Variants in EFCAB14 observed in about 807,000 individuals in gnomAD.
The protein encoded by EFCAB14 is EF-hand calcium-binding domain-containing protein 14.
EFCAB14 carries 43 observed loss-of-function variants against 56.5 expected under a neutral mutation model. The observed-to-expected ratio is 0.76, with a 90% CI of 0.60 to 0.98. The LOEUF (loss-of-function observed/expected upper bound fraction) is 0.98. EFCAB14 is among the 50% of genes least tolerant of loss of function. The pLI is 0.00. For synonymous variants in EFCAB14, 235 were observed against 212.9 expected (o/e 1.10, Z -0.90); for missense variants, 538 against 580.3 (o/e 0.93, Z 0.75).
chr1:46,683,197 T>C (rs1676822833), intron 10 of EFCAB14, 103 bp downstream of exon 10: 2 of 1,342,966 alleles, frequency 1.5e-6, no homozygotes, highest in East Asian at 2.3e-5. Flanking sequence ...TGATATCTCC[T>C]CAATAAATGT....
In EFCAB14 at chr1:46,679,674, G is replaced by T. The variant is rs1676760824; in HGVS notation, c.1313-1038C>A. ...CACCCAGGCTGGAGTGCAGTGGTAT[G>T]ATCTTGGCTCACTGCAACCTCTGCC... On this transcript the variant is annotated intron_variant, in intron 10 of 10. Transcript: ENST00000371933. Among the ~76,000 whole-genome samples the T allele has an allele frequency of 2.9e-5, 4 of 140,270 alleles. No homozygotes were observed. The South Asian group carries it at 9.2e-4, about 32-fold the overall frequency. 92.0% of individuals were successfully genotyped at this position (140,270 alleles called of 152,430 possible).
intron 2 of EFCAB14, among the ~76,000 whole-genome samples, chr1:46,713,839 A>C (rs542125421): frequency 1.3e-3 from 202 of 152,294 alleles, no homozygotes; most frequent in Non-Finnish European, 1.0e-3. Context: ...TGTTTCTGAG[A>C]ACCTAATTTC....
At chr1:46,705,474 C>T (rs76880049) in intron 3 of EFCAB14, among the ~76,000 whole-genome samples, 6,313 of 152,268 alleles carry the variant, frequency 0.041, 420 homozygotes, top group African/African-American at 0.14. Context: ...CTGGCTGGGG[C>T]CACTGTCTGT....
rs1331377012 is a variant in EFCAB14 at position 46,688,520 on chromosome 1, A to T, written c.820T>A (p.Leu274Ile). The T allele has an allele frequency of 6.2e-7, 1 of 1,613,304 alleles. No homozygotes were observed. Among genetic ancestry groups the T allele is most frequent in the African/African-American group, 1.3e-5 (1 of 74,838 alleles). Residue 274 changes from leucine to isoleucine, a missense_variant, in exon 7 of 11, where the codon TTA becomes ATA. Coordinates refer to ENST00000371933, the MANE Select transcript of EFCAB14 (RefSeq NM_014774.3). ...ACTAGGGCACTGTTTACCTCCTCTA[A>T]AGAGTTGTGAAGGTACAGGATATCC... is the stretch of plus-strand genomic sequence containing the variant. ...KQDILYLHNSLEEVNSALVGY... is the reference protein window; with the variant it reads ...KQDILYLHNSIEEVNSALVGY...
chr1:46,697,491 A>C (rs929824327), intron 3 of EFCAB14, among the ~76,000 whole-genome samples: 13 of 152,192 alleles, frequency 8.5e-5, no homozygotes. Flanking sequence ...CTTAGTTCTA[A>C]ACCGCTTTCC....
rs1444530712 is a variant in EFCAB14, at chr1:46,691,809, C to T, written c.690+18G>A. On this transcript the variant is annotated intron_variant, in intron 5 of 10. Coordinates refer to ENST00000371933, the MANE Select transcript of EFCAB14 (RefSeq NM_014774.3). ...AAAAGGGTGAGCAGGAGCATGCTGA[C>T]TTGCTGGGTCTCCTTACCATATCAC... 1 of 1,595,514 alleles carries T rather than the reference C, an allele frequency of 6.3e-7. No homozygotes were observed. The highest frequency in any genetic ancestry group is 8.6e-7 in the Non-Finnish European group (1 of 1,166,344).
chr1:46,678,305 A>G lies in EFCAB14; in HGVS notation c.*156T>C. On this transcript the variant is annotated 3_prime_UTR_variant, in exon 11 of 11. Transcript: ENST00000371933. ...TAAAATGGTCTTCTTCTTTAAAAAAATAACTTTTATATAGCTTCTTCAAAC... is the reference window on the plus strand; with the variant it reads ...TAAAATGGTCTTCTTCTTTAAAAAAGTAACTTTTATATAGCTTCTTCAAAC... 1 of 570,862 alleles carries G rather than the reference A, an allele frequency of 1.8e-6. No homozygotes were observed. Among genetic ancestry groups the G allele is most frequent in the African/African-American group, 1.9e-5 (1 of 51,478 alleles). The allele number at this position is 570,862 out of a possible 1,614,324, so 35.4% of individuals were successfully genotyped here.
At chr1:46,710,864 C>T (rs1007675304) in intron 2 of EFCAB14, among the ~76,000 whole-genome samples, 7 of 152,128 alleles carry the variant, frequency 4.6e-5, no homozygotes, top group Non-Finnish European at 1.0e-4. Flanking sequence ...ATAAACTTTT[C>T]TTATCTTCCA....
chr1:46,691,755 G>A (rs546500949), intron 5 of EFCAB14, 72 bp downstream of exon 5: 1 of 1,097,148 alleles, frequency 9.1e-7, no homozygotes, highest in South Asian at 1.4e-5. Context: ...TCAGATTAGT[G>A]GAAAGTTGGC....
Position 46,707,977 on chromosome 1 carries a change from G to A in EFCAB14, c.409C>T (p.Leu137Phe). 4 of 1,612,832 alleles carry A rather than the reference G, an allele frequency of 2.5e-6. No individual in the cohort carries two copies. Among genetic ancestry groups the A allele is most frequent in the Non-Finnish European group, 3.4e-6 (4 of 1,179,704 alleles). ...NEELLSKQKQLEKIESGEMGL... is the reference protein window; with the variant it reads ...NEELLSKQKQFEKIESGEMGL... ...ATCTCTCCAGATTCAATCTTCTCAA[G>A]TTGTTTTTGCTTGCTGAGTAGTTCT... The change falls in exon 3 of 11, where the codon CTT (leucine) becomes TTT (phenylalanine). Residue 137 changes from leucine (L) to phenylalanine (F), a missense_variant. Physicochemically the swap from Leu to Phe is conservative, Grantham distance 22. Transcript: ENST00000371933.
At position 46,717,942 on chromosome 1, in the gene EFCAB14, T is replaced by C; in HGVS notation, c.146A>G (p.Glu49Gly). Residue 49 changes from glutamate (E) to glycine (G), a missense_variant, in exon 1 of 11, where the codon GAG becomes GGG. Physicochemically the swap from Glu to Gly is moderately conservative, Grantham distance 98 (BLOSUM62 -2). Transcript: ENST00000371933. ...GCGATTTCCAACCACACCGAATTCCTCTTCCTCTTCGGAGCTGGACTCAGA... is the reference window on the plus strand; with the variant it reads ...GCGATTTCCAACCACACCGAATTCCCCTTCCTCTTCGGAGCTGGACTCAGA... Reference protein sequence around the residue: ...SDSESSSEEEEEFGVVGNRSR... With the variant: ...SDSESSSEEEGEFGVVGNRSR... 6.2e-7 allele frequency: 1 copy of C among 1,614,094 alleles called. No homozygotes were observed. The highest frequency in any genetic ancestry group is 8.5e-7 in the Non-Finnish European group (1 of 1,180,010).
In EFCAB14 at chr1:46,676,781, G is replaced by A. The variant is rs1676701819; in HGVS notation, c.*1680C>T. ...AATGAGATAAGGGGACACATTCATG[G>A]GAAAAGACTTCATCTTGCTTTAACT... is the stretch of plus-strand genomic sequence containing the variant. On this transcript the variant is annotated 3_prime_UTR_variant, in exon 11 of 11. Coordinates refer to ENST00000371933, the MANE Select transcript of EFCAB14 (RefSeq NM_014774.3). 1.3e-5 allele frequency: 2 copies of A among 152,386 alleles called. No homozygotes were observed. The highest frequency in any genetic ancestry group is 4.8e-5 in the African/African-American group (2 of 41,364). 9.4% of individuals were successfully genotyped at this position (152,386 alleles called of 1,614,324 possible).
intron 2 of EFCAB14, among the ~76,000 whole-genome samples, chr1:46,710,694 C>T (rs1677295472): frequency 6.6e-6 from 1 of 152,294 alleles, no homozygotes. Context: ...GCTGGGACTA[C>T]AAGCTTGTGC....
In EFCAB14 at chr1:46,678,581, G is replaced by A; in HGVS notation, c.1368C>T (p.Tyr456=). ...AACCTAGGGAGGTCCAGATTTCCTGGTAGGTCAGCTTCCCATCCACGTCCT... is the reference window on the plus strand; with the variant it reads ...AACCTAGGGAGGTCCAGATTTCCTGATAGGTCAGCTTCCCATCCACGTCCT... ...TGQDVDGKLT[Y]QEIWTSLGSA... is the part of the protein sequence containing the mutation. The change falls in exon 11 of 11, where the codon TAC becomes TAT. Residue 456 remains tyrosine (Y), a synonymous_variant. Coordinates refer to ENST00000371933, the MANE Select transcript of EFCAB14 (RefSeq NM_014774.3). 6.2e-7 allele frequency: 1 copy of A among 1,614,108 alleles called. No individual in the cohort carries two copies. The highest frequency in any genetic ancestry group is 8.5e-7 in the Non-Finnish European group (1 of 1,180,000).
At chr1:46,688,580 A>T in intron 6 of EFCAB14, 36 bp from the exon 7 acceptor site, 1 of 1,582,000 alleles carries the variant, frequency 6.3e-7, no homozygotes. Flanking sequence ...GGAATCCACT[A>T]AAGACGTAAA....
chr1:46,681,082 C>T (rs909821211), intron 10 of EFCAB14, among the ~76,000 whole-genome samples: 1 of 151,958 alleles, frequency 6.6e-6, no homozygotes. Flanking sequence ...GCTATTCTCC[C>T]GAGTAGCTGG....
chr1:46,685,505 C>T (rs1285586052), intron 8 of EFCAB14, among the ~76,000 whole-genome samples: 1 of 152,106 alleles, frequency 6.6e-6, no homozygotes, highest in Non-Finnish European at 1.5e-5. Context: ...ATTTAGGGAG[C>T]TAAAATATGA....
At chr1:46,711,396 T>C (rs987763260) in intron 2 of EFCAB14, among the ~76,000 whole-genome samples, 1 of 151,798 alleles carries the variant, frequency 6.6e-6, no homozygotes. Flanking sequence ...GAGGTAGGAG[T>C]GGAAGAGGAA....
At chr1:46,699,593 G>C (rs991534410) in intron 3 of EFCAB14, among the ~76,000 whole-genome samples, 7 of 152,162 alleles carry the variant, frequency 4.6e-5, no homozygotes, top group African/African-American at 1.7e-4. Flanking sequence ...GACAGAGGCC[G>C]GGGGGTAGGA....
Sources: gnomAD v4.1 joint callset for allele counts (sites outside exome capture counted in the v4.1 genomes callset) on GRCh38, gnomAD v4.1.1 for gene constraint, MANE v1.5 for transcripts, NCBI Gene and HGNC (gene_info 2026-07-23, HGNC 2026-07-21) for gene names.